The following DDX23 variants were observed in gnomAD, a reference collection of about 807,000 sequenced individuals.
DDX23 encodes the protein DEAD-box helicase 23.
In DDX23, 33 loss-of-function variants were observed where a neutral mutation model predicts 102.7. The observed-to-expected ratio is 0.32, with a 90% CI of 0.24 to 0.43. DDX23 has a LOEUF of 0.43. DDX23 is among the 20% of genes least tolerant of loss of function. The pLI is 1.00. For synonymous variants in DDX23, 352 were observed against 376.0 expected (o/e 0.94, Z 0.74); for missense variants, 549 against 1,086.6 (o/e 0.51, Z 6.96).
At position 48,831,064 on chromosome 12, in the gene DDX23, C is replaced by T. The variant is rs183717383; in HGVS notation, c.2239+78G>A. ...GGAGGCAGTAACAGCCTTCCATGGA[C>T]AGCACCCTGACTTCCAGTGGGACAC... On this transcript the variant is annotated intron_variant, in intron 16 of 16. Coordinates refer to ENST00000308025, the MANE Select transcript of DDX23 (RefSeq NM_004818.3). The T allele has an allele frequency of 8.9e-4, 1,365 of 1,538,734 alleles. 6 individuals carry two copies. The African/African-American group carries it at 0.015, about 17-fold the overall frequency.
chr12:48,844,136 G>A (rs544887981), intron 2 of DDX23, 86 bp from the exon 3 acceptor site: 25 of 1,199,010 alleles, frequency 2.1e-5, no homozygotes, highest in East Asian at 7.0e-5. Flanking sequence ...CTATACTCTC[G>A]TCCCAAAGTA....
chr12:48,833,914 T>C (rs1010373485), intron 12 of DDX23, among the ~76,000 whole-genome samples: 7 of 152,186 alleles, frequency 4.6e-5, no homozygotes, highest in Non-Finnish European at 1.5e-5. Flanking sequence ...AGCAGACTTC[T>C]CATAAAGAGC....
Position 48,830,830 on chromosome 12 carries a change from C to CA in DDX23, c.2240-139_2240-138insT. 1.1e-6 allele frequency: 1 copy of CA among 925,338 alleles called. No homozygotes were observed. The highest frequency in any genetic ancestry group is 1.6e-6 in the Non-Finnish European group (1 of 626,382). The allele number at this position is 925,338 out of a possible 1,614,324, so 57.3% of individuals were successfully genotyped here. On this transcript the variant is annotated intron_variant, in intron 16 of 16. Transcript: ENST00000308025. This position sits in a 1 kb window ranked among gnomAD's most constrained non-coding sequence, Gnocchi z 4.9. ...CAGCACATGCTGCCTGAACCTGAGGCGCCCACAGTGCCCTCTCCAGGTGCC... is the reference window on the plus strand; with the variant it reads ...CAGCACATGCTGCCTGAACCTGAGGCAGCCCACAGTGCCCTCTCCAGGTGCC...
Position 48,844,060 on chromosome 12 carries a change from C to G in DDX23, c.210-10G>C, listed in dbSNP as rs375371895. On this transcript the variant is annotated splice_polypyrimidine_tract_variant and intron_variant, in intron 2 of 16. Transcript: ENST00000308025. ...TTTGTGCCGTCGTTCTCTGGAAGAC[C>G]GCAAATTTAAGAGTTCACTTGGTAT... 1.2e-6 allele frequency: 2 copies of G among 1,613,580 alleles called. No homozygotes were observed. Among genetic ancestry groups the G allele is most frequent in the African/African-American group, 2.7e-5 (2 of 74,872 alleles).
intron 11 of DDX23, chr12:48,835,218 G>C (rs967378159): frequency 9.4e-6 from 2 of 213,684 alleles, no homozygotes; most frequent in Non-Finnish European, 2.0e-5. Flanking sequence ...CTCCAGCCTA[G>C]ACAATAGAGC....
At chr12:48,846,789 T>C (rs1371041399) in intron 1 of DDX23, among the ~76,000 whole-genome samples, 1 of 152,232 alleles carries the variant, frequency 6.6e-6, no homozygotes, top group East Asian at 1.9e-4. Flanking sequence ...CTTGGTCATC[T>C]GCATAACCCA....
Position 48,836,103 on chromosome 12 carries a change from G to T in DDX23, c.1382+18C>A, listed in dbSNP as rs1938465203. The T allele has an allele frequency of 6.2e-7, 1 of 1,610,712 alleles. No homozygotes were observed. The highest frequency in any genetic ancestry group is 8.5e-7 in the Non-Finnish European group (1 of 1,178,430). On this transcript the variant is annotated intron_variant, in intron 11 of 16. Coordinates refer to ENST00000308025, the MANE Select transcript of DDX23 (RefSeq NM_004818.3). This position sits in a 1 kb window ranked among gnomAD's most constrained non-coding sequence, Gnocchi z 6.1. ...CTACCCAGACAAACCCACTCCAGCT[G>T]GTGCTAGCTGACCTCACCTGTCAAT...
chr12:48,847,219 G>C (rs547689342), intron 1 of DDX23: 6 of 152,300 alleles, frequency 3.9e-5, no homozygotes, highest in Middle Eastern at 3.4e-3. Context: ...CTATCACACA[G>C]AAATACCTAT....
intron 5 of DDX23, among the ~76,000 whole-genome samples, chr12:48,838,868 C>T (rs1565676933): frequency 6.6e-6 from 1 of 151,926 alleles, no homozygotes; most frequent in East Asian, 1.9e-4. Flanking sequence ...AACAAACAAA[C>T]AATGCATGTG....
intron 1 of DDX23, among the ~76,000 whole-genome samples, chr12:48,846,864 C>G (rs918294064): frequency 2.0e-5 from 3 of 152,116 alleles, no homozygotes; most frequent in Non-Finnish European, 4.4e-5. Flanking sequence ...CACCGAACAC[C>G]ACTCCCACAC....
At chr12:48,843,534 A>ACTTT (rs1173810919) in intron 3 of DDX23, among the ~76,000 whole-genome samples, 7 of 148,240 alleles carry the variant, frequency 4.7e-5, no homozygotes, top group Admixed American at 3.4e-4. Flanking sequence ...AGAGAAATCT[A>ACTTT]CTTTCTTTCT....
chr12:48,834,416 G>C lies in DDX23; in HGVS notation c.1464C>G (p.Thr488=), dbSNP rs1938435308. The change falls in exon 12 of 17, where the codon ACC becomes ACG. Residue 488 remains threonine, a synonymous_variant. Transcript: ENST00000308025. ...RELAQQIEEE[T]IKFGKPLGIR... ...TACCTAGCGGTTTCCCAAACTTGAT[G>C]GTCTCTTCCTCAATCTGTTGAGCCA... is the stretch of plus-strand genomic sequence containing the variant. 1 of 1,614,006 alleles carries C rather than the reference G, an allele frequency of 6.2e-7. No homozygotes were observed. Among genetic ancestry groups the C allele is most frequent in the Admixed American group, 1.7e-5 (1 of 59,998 alleles).
chr12:48,842,707 C>T (rs1333672949), intron 3 of DDX23, among the ~76,000 whole-genome samples: 4 of 147,192 alleles, frequency 2.7e-5, no homozygotes, highest in Admixed American at 2.0e-4. Context: ...CCAGCCGCCC[C>T]GTCCAGGAGG....
intron 5 of DDX23, among the ~76,000 whole-genome samples, chr12:48,838,634 G>A (rs1299384774): frequency 1.3e-5 from 2 of 151,288 alleles, no homozygotes; most frequent in Non-Finnish European, 1.5e-5. Flanking sequence ...GGCGGATCAC[G>A]AGGTCAGGAG....
In DDX23 at chr12:48,837,952, C is replaced by T; in HGVS notation, c.609G>A (p.Arg203=). 2 of 1,612,942 alleles carry T rather than the reference C, an allele frequency of 1.2e-6. No individual in the cohort carries two copies. The change falls in exon 6 of 17, where the codon AGG becomes AGA. Residue 203 remains arginine (R), a synonymous_variant. Coordinates refer to ENST00000308025, the MANE Select transcript of DDX23 (RefSeq NM_004818.3). ...KKRKQFQDLG[R]KMLEDPQERE... ...GGTAGAATAACAAACCCAACATCTTCCTGCCCAAGTCTTGGAACTGTTTCC... is the reference window on the plus strand; with the variant it reads ...GGTAGAATAACAAACCCAACATCTTTCTGCCCAAGTCTTGGAACTGTTTCC...
chr12:48,839,549 ACT>A (rs1472375753), intron 5 of DDX23: 13 of 213,774 alleles, frequency 6.1e-5, no homozygotes, highest in Admixed American at 7.3e-5. Flanking sequence ...ACAGAGTGAG[ACT>A]CTGTCTCAAA....
chr12:48,834,795 G>A (rs1488358363), intron 11 of DDX23: 4 of 244,056 alleles, frequency 1.6e-5, no homozygotes, highest in Admixed American at 5.2e-5. Context: ...TTAGCCAGGC[G>A]TGGTGGCCGG....
rs1398544377 is a variant in DDX23 at position 48,830,612 on chromosome 12, C to G, written c.2320G>C (p.Ala774Pro). 6.2e-7 allele frequency: 1 copy of G among 1,614,164 alleles called. No homozygotes were observed. Among genetic ancestry groups the G allele is most frequent in the Admixed American group, 1.7e-5 (1 of 60,024 alleles). Residue 774 changes from alanine to proline, a missense_variant, in exon 17 of 17, where the codon GCT (alanine) becomes CCT (proline). Transcript: ENST00000308025. The surrounding 1 kb of genome is among the most constrained non-coding windows in gnomAD (Gnocchi z 4.9). ...AITFLTKEDS[A>P]VFYELKQAIL... ...GCTTGCTTCAGCTCGTAGAACACAG[C>G]AGAGTCCTCTTTTGTGAGGAAGGTG...
At position 48,830,537 on chromosome 12, in the gene DDX23, G is replaced by A. The variant is rs1938369354; in HGVS notation, c.2395C>T (p.Pro799Ser). The change falls in exon 17 of 17, where the codon CCA becomes TCA. Residue 799 changes from proline (P) to serine (S), a missense_variant. Pro to Ser is a moderately conservative substitution (Grantham distance 74, BLOSUM62 -1). Transcript: ENST00000308025. This position sits in a 1 kb window ranked among gnomAD's most constrained non-coding sequence, Gnocchi z 4.9. ...GTGCCTGGCTTATGCTGGGCATCTG[G>A]GTGGTTGGCTAGTTCGGGGGGACAG... ...SSCPPELANH[P>S]DAQHKPGTIL... 1 of 1,613,854 alleles carries A rather than the reference G, an allele frequency of 6.2e-7. No individual in the cohort carries two copies. Among genetic ancestry groups the A allele is most frequent in the East Asian group, 2.2e-5 (1 of 44,884 alleles).
Sources: allele counts gnomAD v4.1 joint callset (sites outside exome capture counted in the v4.1 genomes callset), GRCh38; gene constraint gnomAD v4.1.1; non-coding constraint Gnocchi (gnomAD v3.1); transcripts MANE v1.5; gene names NCBI Gene and HGNC (gene_info 2026-07-23, HGNC 2026-07-21).